Variants in MTHFD1L observed in about 807,000 individuals in gnomAD.
MTHFD1L encodes monofunctional C1-tetrahydrofolate synthase, mitochondrial.
MTHFD1L carries 81 observed loss-of-function variants against 119.5 expected under a neutral mutation model. The observed-to-expected ratio is 0.68, with a 90% CI of 0.57 to 0.82. The LOEUF (loss-of-function observed/expected upper bound fraction) is 0.82. MTHFD1L is among the 40% of genes least tolerant of loss of function. The pLI is 0.00. For synonymous variants in MTHFD1L, 430 were observed against 475.2 expected (o/e 0.90, Z 1.24); for missense variants, 1,125 against 1,253.4 (o/e 0.90, Z 1.55).
At chr6:150,917,366 T>G (rs934133187) in intron 8 of MTHFD1L, among the ~76,000 whole-genome samples, 1 of 151,890 alleles carries the variant, frequency 6.6e-6, no homozygotes, top group Non-Finnish European at 1.5e-5. Context: ...CTACTAAAAA[T>G]ACAAAAATTA....
chr6:150,982,052 A>G (rs1404288495), intron 20 of MTHFD1L, among the ~76,000 whole-genome samples: 2 of 152,146 alleles, frequency 1.3e-5, no homozygotes, highest in African/African-American at 2.4e-5. Context: ...ACACCTAGCT[A>G]CTTGGTAAGC....
chr6:151,062,464 C>G (rs1202450573), intron 26 of MTHFD1L, among the ~76,000 whole-genome samples: 1 of 152,094 alleles, frequency 6.6e-6, no homozygotes, highest in Non-Finnish European at 1.5e-5. Flanking sequence ...CCTCTTTGCT[C>G]TTGTGTCTGT....
intron 27 of MTHFD1L, chr6:151,099,451 T>C: frequency 1.0e-6 from 1 of 996,786 alleles, no homozygotes; most frequent in Non-Finnish European, 1.6e-6. Context: ...CTGAAATATT[T>C]TCTTTTTTTT....
Position 150,936,791 on chromosome 6 carries a change from C to T in MTHFD1L, c.1257-13C>T, listed in dbSNP as rs756108534. The T allele has an allele frequency of 1.2e-6, 2 of 1,608,472 alleles. No individual in the cohort carries two copies. On this transcript the variant is annotated splice_polypyrimidine_tract_variant and intron_variant, in intron 11 of 27. Transcript: ENST00000367321. ...GAAATATTATAAAATTCACTTTCTC[C>T]CCCCGAACTCAGGATCACACCCACC...
chr6:150,919,085 C>A (rs533233029), intron 9 of MTHFD1L, among the ~76,000 whole-genome samples: 1 of 151,468 alleles, frequency 6.6e-6, no homozygotes, highest in Non-Finnish European at 1.5e-5. Flanking sequence ...ATCGCTTGAA[C>A]CCAGGAGACA....
Position 151,097,909 on chromosome 6 carries a change from T to C in MTHFD1L, c.*32-3617T>C, listed in dbSNP as rs529916546. 2.6e-5 allele frequency among the ~76,000 whole-genome samples: 4 copies of C among 152,274 alleles called. No homozygotes were observed. The South Asian group carries it at 8.3e-4, about 32-fold the overall frequency. ...AAAATATTAGGCCAGGTGTGGTGGC[T>C]CATGCTTCTAATCTCAGCAGTTTGG... On this transcript the variant is annotated intron_variant, in intron 27 of 27. Coordinates refer to ENST00000367321, the MANE Select transcript of MTHFD1L (RefSeq NM_015440.5).
At chr6:151,021,052 A>T (rs1295986562) in intron 24 of MTHFD1L, among the ~76,000 whole-genome samples, 4 of 152,222 alleles carry the variant, frequency 2.6e-5, no homozygotes, top group Admixed American at 1.3e-4. Flanking sequence ...TAGAGCTAAC[A>T]GGCTAAAGCT....
intron 19 of MTHFD1L, among the ~76,000 whole-genome samples, chr6:150,965,974 T>A (rs974008449): frequency 6.6e-5 from 10 of 152,166 alleles, no homozygotes; most frequent in African/African-American, 2.4e-4. Context: ...GCCCGCCTGT[T>A]AAAGCAGTAC....
At chr6:151,077,973 A>G (rs2128628465) in intron 26 of MTHFD1L, among the ~76,000 whole-genome samples, 1 of 139,236 alleles carries the variant, frequency 7.2e-6, no homozygotes, top group East Asian at 2.4e-4. Context: ...GAATGGCATG[A>G]ACCCAGGAGG....
At chr6:151,079,956 CCT>C (rs1297014574) in intron 26 of MTHFD1L, among the ~76,000 whole-genome samples, 89 of 151,652 alleles carry the variant, frequency 5.9e-4, no homozygotes, top group African/African-American at 1.9e-3. Context: ...AGGCGGTTCA[CCT>C]AAGGTCAGGA....
At chr6:151,002,485 A>G (rs1052929165) in intron 20 of MTHFD1L, among the ~76,000 whole-genome samples, 14 of 152,146 alleles carry the variant, frequency 9.2e-5, no homozygotes, top group South Asian at 2.1e-4. Context: ...TCGTGTGCAC[A>G]TTGAGCGGTA....
intron 26 of MTHFD1L, among the ~76,000 whole-genome samples, chr6:151,080,349 G>A (rs1157924942): frequency 2.6e-5 from 4 of 152,144 alleles, no homozygotes; most frequent in Admixed American, 2.0e-4. Context: ...GAGGAAGAAG[G>A]GCAGCTGCGG....
intron 23 of MTHFD1L, among the ~76,000 whole-genome samples, 164 bp downstream of exon 23, chr6:151,015,144 T>C (rs2128490706): frequency 6.6e-6 from 1 of 152,150 alleles, no homozygotes; most frequent in South Asian, 2.1e-4. Context: ...TTTTAGCAAA[T>C]GTGTTCTCAC....
chr6:151,014,164 AC>A (rs1314566095), intron 22 of MTHFD1L, among the ~76,000 whole-genome samples: 1 of 152,154 alleles, frequency 6.6e-6, no homozygotes, highest in Non-Finnish European at 1.5e-5. Context: ...CTGCGATCGC[AC>A]CACTGTACTC....
intron 26 of MTHFD1L, among the ~76,000 whole-genome samples, chr6:151,083,875 G>A (rs186737826): frequency 1.3e-5 from 2 of 152,176 alleles, no homozygotes; most frequent in East Asian, 1.9e-4. Flanking sequence ...TATCATTTTG[G>A]AAATCTCTCA....
intron 20 of MTHFD1L, among the ~76,000 whole-genome samples, chr6:151,008,401 C>A (rs957858418): frequency 2.6e-5 from 4 of 152,142 alleles, no homozygotes; most frequent in African/African-American, 9.7e-5. Flanking sequence ...TATTCCCTTC[C>A]TAGAGTGGTT....
rs1043831602 is a variant in MTHFD1L, at chr6:151,012,019, C to CAAA, written c.2266-1730_2266-1728dup. The stretch of plus-strand genomic sequence containing the variant: ...TCCATCTCAACAACAACAACAACAA[C>CAAA]AAAAAAAAAAAAAAAAAAAAAAAAA... On this transcript the variant is annotated intron_variant, in intron 21 of 27. Transcript: ENST00000367321. Among the ~76,000 whole-genome samples, 311 of 58,746 alleles carry CAAA rather than the reference C, an allele frequency of 5.3e-3. 12 individuals carry two copies. The highest frequency in any genetic ancestry group is 7.1e-3 in the African/African-American group (124 of 17,366). 38.5% of individuals were successfully genotyped at this position (58,746 alleles called of 152,430 possible). A position where few individuals can be genotyped will look rare whatever the true frequency, so the allele number is the denominator to read the frequency against.
chr6:151,040,185 G>A (rs1184734288), intron 26 of MTHFD1L, among the ~76,000 whole-genome samples: 1 of 152,152 alleles, frequency 6.6e-6, no homozygotes, highest in African/African-American at 2.4e-5. Context: ...ACCCTCTGAG[G>A]ACTCTAAACC....
intron 20 of MTHFD1L, among the ~76,000 whole-genome samples, chr6:150,972,663 G>A (rs939117721): frequency 2.6e-5 from 4 of 152,314 alleles, no homozygotes; most frequent in Admixed American, 6.5e-5. Flanking sequence ...CCTGTGGAGC[G>A]TACTGTCTAA....
Sources: allele counts gnomAD v4.1 joint callset (sites outside exome capture counted in the v4.1 genomes callset), GRCh38; gene constraint gnomAD v4.1.1; transcripts MANE v1.5; gene names NCBI Gene and HGNC (gene_info 2026-07-23, HGNC 2026-07-21).